The following RAD51B variants were observed in gnomAD, a reference collection of about 807,000 sequenced individuals.
RAD51B encodes the protein RAD51 paralog B.
A neutral mutation model predicts 42.2 loss-of-function variants in RAD51B; 38 were observed. The observed-to-expected ratio is 0.90, with a 90% CI of 0.70 to 1.18. The LOEUF (loss-of-function observed/expected upper bound fraction) is 1.18. Among genes scored for constraint, RAD51B ranks in the 50% most tolerant of loss-of-function variants. The pLI is 0.00. For missense variants in RAD51B, 373 were observed against 400.7 expected, an observed-to-expected ratio of 0.93 and a Z score of 0.59; for synonymous variants, 154 against 145.2, an observed-to-expected ratio of 1.06 and a Z score of -0.43.
At chr14:67,908,052 A>C (rs2043836501) in intron 7 of RAD51B, among the ~76,000 whole-genome samples, 1 of 152,202 alleles carries the variant, frequency 6.6e-6, no homozygotes, top group South Asian at 2.1e-4. Flanking sequence ...GTGGAAAAAA[A>C]TACCTATTTG....
chr14:67,896,560 C>CCTT (rs1465893276), intron 7 of RAD51B, among the ~76,000 whole-genome samples: 1 of 152,166 alleles, frequency 6.6e-6, no homozygotes, highest in Non-Finnish European at 1.5e-5. Context: ...TGATTTTTAA[C>CCTT]TTATCAAAGG....
chr14:68,515,627 T>G (rs1416532473), intron 10 of RAD51B, among the ~76,000 whole-genome samples: 3 of 151,302 alleles, frequency 2.0e-5, no homozygotes. Context: ...TTTTTTTTCT[T>G]TTAGAGATGG....
intron 7 of RAD51B, among the ~76,000 whole-genome samples, chr14:68,248,036 C>T (rs2080537124): frequency 6.6e-6 from 1 of 152,176 alleles, no homozygotes; most frequent in African/African-American, 2.4e-5. Flanking sequence ...AATCGAAGCT[C>T]AGAGATATTG....
intron 7 of RAD51B, among the ~76,000 whole-genome samples, chr14:68,054,580 T>C (rs115414871): frequency 1.3e-5 from 2 of 152,286 alleles, no homozygotes; most frequent in African/African-American, 4.8e-5. Flanking sequence ...TAAATTTACT[T>C]ATTTACTCAA....
At chr14:68,556,783 C>T (rs1228947141) in intron 10 of RAD51B, among the ~76,000 whole-genome samples, 2 of 152,192 alleles carry the variant, frequency 1.3e-5, no homozygotes, top group Non-Finnish European at 2.9e-5. Context: ...GTCACACCAA[C>T]TGCAAGCACA....
chr14:68,108,043 A>G (rs182119233), intron 7 of RAD51B, among the ~76,000 whole-genome samples: 7 of 151,992 alleles, frequency 4.6e-5, no homozygotes, highest in Admixed American at 4.6e-4. Flanking sequence ...TCCAAAGATG[A>G]TGTGCAAATG....
At chr14:68,297,570 G>A (rs1212247017) in intron 8 of RAD51B, among the ~76,000 whole-genome samples, 1 of 152,100 alleles carries the variant, frequency 6.6e-6, no homozygotes, top group Non-Finnish European at 1.5e-5. Context: ...TTTGTGTAGG[G>A]CCATGTACCA....
At chr14:67,874,495 T>C (rs1317812212) in intron 5 of RAD51B, among the ~76,000 whole-genome samples, 1 of 152,148 alleles carries the variant, frequency 6.6e-6, no homozygotes, top group African/African-American at 2.4e-5. Flanking sequence ...CAATTCTTTT[T>C]CTTCCTCTGG....
chr14:68,303,288 G>A (rs929263966), intron 8 of RAD51B, among the ~76,000 whole-genome samples: 3 of 151,960 alleles, frequency 2.0e-5, no homozygotes, highest in African/African-American at 4.8e-5. Flanking sequence ...ACATGGACAC[G>A]GGGAGAGAAA....
intron 10 of RAD51B, among the ~76,000 whole-genome samples, chr14:68,647,430 G>T (rs2140135016): frequency 6.6e-6 from 1 of 152,194 alleles, no homozygotes; most frequent in East Asian, 1.9e-4. Context: ...TATTTAAAAA[G>T]TAATAGTCTC....
At chr14:68,255,891 G>A (rs1255422155) in intron 7 of RAD51B, among the ~76,000 whole-genome samples, 1 of 152,182 alleles carries the variant, frequency 6.6e-6, no homozygotes, top group Non-Finnish European at 1.5e-5. Flanking sequence ...GGGAAATGAG[G>A]CAGATGGATT....
At chr14:67,850,735 C>A (rs115698603) in intron 4 of RAD51B, among the ~76,000 whole-genome samples, 260 of 152,200 alleles carry the variant, frequency 1.7e-3, no homozygotes, top group African/African-American at 6.1e-3. Context: ...GAAGTGTAGT[C>A]CCCAACCCTG....
intron 9 of RAD51B, among the ~76,000 whole-genome samples, chr14:68,465,974 A>T (rs1203511767): frequency 6.6e-6 from 1 of 151,092 alleles, no homozygotes; most frequent in Non-Finnish European, 1.5e-5. Flanking sequence ...AAATAAATAA[A>T]TAAATAAATA....
chr14:67,857,505 C>T (rs1321975614), intron 4 of RAD51B, among the ~76,000 whole-genome samples: 2 of 152,140 alleles, frequency 1.3e-5, no homozygotes, highest in Admixed American at 6.5e-5. Context: ...TAAAGTAATA[C>T]TTTACATTTT....
At chr14:68,356,064 C>T in intron 8 of RAD51B, among the ~76,000 whole-genome samples, 1 of 152,170 alleles carries the variant, frequency 6.6e-6, no homozygotes. Flanking sequence ...ATATTGTAGA[C>T]ATGGTTCCAG....
At chr14:67,918,235 T>G (rs1566957423) in intron 7 of RAD51B, among the ~76,000 whole-genome samples, 2 of 151,914 alleles carry the variant, frequency 1.3e-5, no homozygotes, top group Non-Finnish European at 2.9e-5. Flanking sequence ...GGAAATAATT[T>G]TATTTATTTA....
At chr14:68,176,236 T>A (rs1016269967) in intron 7 of RAD51B, among the ~76,000 whole-genome samples, 1 of 152,164 alleles carries the variant, frequency 6.6e-6, no homozygotes, top group Non-Finnish European at 1.5e-5. Flanking sequence ...CACGTATCTA[T>A]TTTTCTGGGG....
At chr14:68,524,588 G>A (rs897947011) in intron 10 of RAD51B, among the ~76,000 whole-genome samples, 13 of 152,290 alleles carry the variant, frequency 8.5e-5, no homozygotes, top group Admixed American at 8.5e-4. Context: ...GAATGTTCTG[G>A]ATGCGTTCTT....
At chr14:68,567,407 G>A (rs773045908) in intron 10 of RAD51B, among the ~76,000 whole-genome samples, 1 of 152,166 alleles carries the variant, frequency 6.6e-6, no homozygotes, top group Non-Finnish European at 1.5e-5. Flanking sequence ...CCCCCAACAT[G>A]TACAGCCTTT....
Sources: gnomAD v4.1 joint callset for allele counts (sites outside exome capture counted in the v4.1 genomes callset) on GRCh38, gnomAD v4.1.1 for gene constraint, MANE v1.5 for transcripts, NCBI Gene and HGNC (gene_info 2026-07-23, HGNC 2026-07-21) for gene names.